Variants in DLG2 observed in about 807,000 individuals in gnomAD.
DLG2 encodes disks large homolog 2.
Under a neutral mutation model 132.5 loss-of-function variants are expected in DLG2, and 45 were observed. The ratio of observed to expected loss-of-function variants is 0.34; its 90% CI spans 0.27 to 0.44. The LOEUF (loss-of-function observed/expected upper bound fraction) is 0.44. Ranked by LOEUF, DLG2 falls within the 20% of genes least tolerant of loss-of-function variation. DLG2 has a pLI of 1.00. For missense variants in DLG2, 1,045 were observed against 1,196.9 expected (o/e 0.87, Z 1.87); for synonymous variants, 424 against 419.6 (o/e 1.01, Z -0.13).
chr11:84,097,144 C>G (rs575672810), intron 10 of DLG2, among the ~76,000 whole-genome samples: 1 of 152,186 alleles, frequency 6.6e-6, no homozygotes, highest in African/African-American at 2.4e-5. Context: ...TTCTTACCTA[C>G]AGGACTTCAC....
intron 3 of DLG2, among the ~76,000 whole-genome samples, chr11:85,400,297 G>T (rs969546360): frequency 2.8e-5 from 4 of 145,116 alleles, no homozygotes; most frequent in Non-Finnish European, 6.1e-5. Flanking sequence ...TGCTGGAGAG[G>T]ATGTGGAGAA....
At chr11:85,583,567 G>C (rs1169599675) in intron 3 of DLG2, among the ~76,000 whole-genome samples, 11 of 151,980 alleles carry the variant, frequency 7.2e-5, no homozygotes. Flanking sequence ...AAGTTCTGTG[G>C]CTTCTGAGCA....
At chr11:84,989,158 C>A (rs745964607) in intron 6 of DLG2, among the ~76,000 whole-genome samples, 10 of 152,100 alleles carry the variant, frequency 6.6e-5, no homozygotes, top group Non-Finnish European at 1.3e-4. Context: ...AAAGACTACA[C>A]ACACAAATGA....
intron 17 of DLG2, among the ~76,000 whole-genome samples, chr11:83,825,122 CATATATATAT>C (rs1243682505): frequency 8.5e-5 from 10 of 117,946 alleles, no homozygotes; most frequent in Non-Finnish European, 1.0e-4. Flanking sequence ...TATATATACA[CATATATATAT>C]ACACACACAC....
At chr11:84,723,039 T>C (rs1294792515) in intron 6 of DLG2, among the ~76,000 whole-genome samples, 3 of 152,180 alleles carry the variant, frequency 2.0e-5, no homozygotes, top group Non-Finnish European at 2.9e-5. Flanking sequence ...TATGTTAGCA[T>C]AAAAAGTGTG....
intron 6 of DLG2, among the ~76,000 whole-genome samples, chr11:85,010,746 A>C (rs2059083403): frequency 6.6e-6 from 1 of 152,094 alleles, no homozygotes; most frequent in Admixed American, 6.6e-5. Flanking sequence ...GGGCTTCCTT[A>C]AAGTCCAAAC....
At chr11:84,989,935 C>A (rs2056899398) in intron 6 of DLG2, among the ~76,000 whole-genome samples, 1 of 152,130 alleles carries the variant, frequency 6.6e-6, no homozygotes. Flanking sequence ...AATTGGACAT[C>A]TAAACCTAGC....
intron 3 of DLG2, among the ~76,000 whole-genome samples, chr11:85,479,646 C>A (rs1330939758): frequency 6.6e-6 from 1 of 152,122 alleles, no homozygotes; most frequent in Non-Finnish European, 1.5e-5. Context: ...AAAATGAGAT[C>A]GCTTTTCATA....
At chr11:85,239,387 T>C (rs2075763216) in intron 4 of DLG2, among the ~76,000 whole-genome samples, 1 of 152,126 alleles carries the variant, frequency 6.6e-6, no homozygotes. Context: ...TTATAAAAGA[T>C]TTCTGTATAT....
At chr11:83,610,145 G>A (rs765953527) in intron 19 of DLG2, among the ~76,000 whole-genome samples, 5 of 152,132 alleles carry the variant, frequency 3.3e-5, no homozygotes, top group Non-Finnish European at 5.9e-5. Flanking sequence ...TAAGACCTGG[G>A]CTCCTGTACT....
chr11:83,886,118 TGG>T (rs747479426), intron 15 of DLG2, among the ~76,000 whole-genome samples: 389 of 152,296 alleles, frequency 2.6e-3, no homozygotes, highest in Middle Eastern at 0.01. Context: ...TAACTGTAAG[TGG>T]ACTAAATGCT....
intron 3 of DLG2, among the ~76,000 whole-genome samples, chr11:85,496,987 G>A (rs926141782): frequency 2.6e-5 from 4 of 152,084 alleles, no homozygotes; most frequent in African/African-American, 9.7e-5. Flanking sequence ...ACAGCAGAAA[G>A]GCTGAAAATT....
chr11:84,380,414 G>A (rs537468456), intron 7 of DLG2, among the ~76,000 whole-genome samples: 1 of 151,980 alleles, frequency 6.6e-6, no homozygotes, highest in African/African-American at 2.4e-5. Flanking sequence ...AAACAATGTT[G>A]TTGACCACAA....
intron 10 of DLG2, among the ~76,000 whole-genome samples, chr11:84,075,908 G>A (rs1272857379): frequency 6.6e-6 from 1 of 152,128 alleles, no homozygotes; most frequent in African/African-American, 2.4e-5. Flanking sequence ...CTGACTTAAT[G>A]GTTGAACTGG....
intron 8 of DLG2, among the ~76,000 whole-genome samples, chr11:84,205,138 G>A (rs759224870): frequency 1.3e-5 from 2 of 152,022 alleles, no homozygotes; most frequent in Non-Finnish European, 2.9e-5. Context: ...GGAGCAAAAC[G>A]GAAAAAGAGG....
intron 18 of DLG2, chr11:83,646,973 T>C (rs2068392316): frequency 6.6e-6 from 1 of 152,194 alleles, no homozygotes. Context: ...CTTGATTCTC[T>C]GGATTCTTTG....
At chr11:83,598,278 A>G (rs552843614) in intron 19 of DLG2, among the ~76,000 whole-genome samples, 1 of 152,362 alleles carries the variant, frequency 6.6e-6, no homozygotes, top group Non-Finnish European at 1.5e-5. Flanking sequence ...CAGAGAAGTT[A>G]TCATCGTCTA....
chr11:83,586,633 C>A (rs2097091509), intron 19 of DLG2, among the ~76,000 whole-genome samples: 1 of 152,190 alleles, frequency 6.6e-6, no homozygotes, highest in African/African-American at 2.4e-5. Flanking sequence ...ACATACTGTT[C>A]TAAGTTTGTT....
At chr11:85,595,287 T>C (rs2079667268) in intron 3 of DLG2, among the ~76,000 whole-genome samples, 1 of 152,022 alleles carries the variant, frequency 6.6e-6, no homozygotes, top group Admixed American at 6.6e-5. Context: ...GTTTGTTTTG[T>C]TTTGGAATAT....
Sources: gnomAD v4.1 joint callset for allele counts (sites outside exome capture counted in the v4.1 genomes callset) on GRCh38, gnomAD v4.1.1 for gene constraint, MANE v1.5 for transcripts, NCBI Gene and HGNC (gene_info 2026-07-23, HGNC 2026-07-21) for gene names.